ERCC5: variants seen among roughly 807,000 people sequenced by gnomAD.
ERCC5 encodes the protein ERCC excision repair 5, endonuclease.
In ERCC5, 68 loss-of-function variants were observed where a neutral mutation model predicts 105.6. The ratio of observed to expected loss-of-function variants is 0.64; its 90% CI spans 0.53 to 0.79. ERCC5 has a LOEUF of 0.79. Among genes scored for constraint, ERCC5 ranks in the 30% least tolerant of loss-of-function variants. The pLI is 0.00. For synonymous variants in ERCC5, 546 were observed against 526.2 expected, an observed-to-expected ratio of 1.04 and a Z score of -0.51; for missense variants, 1,373 against 1,426.7, an observed-to-expected ratio of 0.96 and a Z score of 0.61.
At chr13:102,863,219 G>A (rs528041025) in intron 8 of ERCC5, 116 bp downstream of exon 8, 29 of 1,194,378 alleles carry the variant, frequency 2.4e-5, no homozygotes, top group South Asian at 1.7e-4. Flanking sequence ...AACGAGAGAC[G>A]TAGAAAGAAA....
intron 5 of ERCC5, among the ~76,000 whole-genome samples, chr13:102,857,779 C>G (rs1882478780): frequency 6.6e-6 from 1 of 152,208 alleles, no homozygotes; most frequent in African/African-American, 2.4e-5. Flanking sequence ...CTCAGTGAGG[C>G]TCTTTGATAT....
intron 4 of ERCC5, among the ~76,000 whole-genome samples, chr13:102,855,083 A>C (rs377175464): frequency 2.6e-4 from 39 of 152,194 alleles, no homozygotes; most frequent in African/African-American, 8.9e-4. Context: ...TCTCCAGGTT[A>C]CATTATTAGC....
Position 102,846,068 on chromosome 13 carries a change from C to T in ERCC5, c.-199C>T. ...CGGTGACAGCTGCTGAGACGTGTTG[C>T]AGCCAGAGTCTCTCCGCTTTAATGC... On this transcript the variant is annotated 5_prime_UTR_variant, in exon 1 of 15. Coordinates refer to ENST00000652225, the MANE Select transcript of ERCC5 (RefSeq NM_000123.4). The T allele has an allele frequency of 1.7e-6, 1 of 589,190 alleles. No individual in the cohort carries two copies. The highest frequency in any genetic ancestry group is 2.1e-5 in the South Asian group (1 of 48,222). The allele number at this position is 589,190 out of a possible 1,614,324, so 36.5% of individuals were successfully genotyped here. A position where few individuals can be genotyped will look rare whatever the true frequency, so the allele number is the denominator to read the frequency against.
At chr13:102,854,454 A>T (rs1325437835) in intron 4 of ERCC5, 80 bp downstream of exon 4, 2 of 1,343,784 alleles carry the variant, frequency 1.5e-6, no homozygotes, top group African/African-American at 2.9e-5. Context: ...TGTTATCTAC[A>T]TGATAAGGCA....
In ERCC5 at chr13:102,865,458, C is replaced by T; in HGVS notation, c.1955-209C>T. 1.7e-6 allele frequency: 1 copy of T among 591,582 alleles called. No homozygotes were observed. Among genetic ancestry groups the T allele is most frequent in the Non-Finnish European group, 2.8e-6 (1 of 350,884 alleles). The allele number at this position is 591,582 out of a possible 1,614,324, so 36.6% of individuals were successfully genotyped here. On this transcript the variant is annotated intron_variant, in intron 8 of 14. Coordinates refer to ENST00000652225, the MANE Select transcript of ERCC5 (RefSeq NM_000123.4). The surrounding 1 kb of genome is among the most constrained non-coding windows in gnomAD (Gnocchi z 4.0). The stretch of plus-strand genomic sequence containing the variant: ...TACTTTCAAAGACAGTGCCAGTTTA[C>T]CTAATTGAAAAGGCTTGTTTTGAAG...
rs550588451 is a variant in ERCC5, at chr13:102,853,995, G to A, written c.380+123G>A. 10 of 888,778 alleles carry A rather than the reference G, an allele frequency of 1.1e-5. No individual in the cohort carries two copies. In the African/African-American group the frequency reaches 1.6e-4, roughly 14 times the overall value. The allele number at this position is 888,778 out of a possible 1,614,324, so 55.1% of individuals were successfully genotyped here. On this transcript the variant is annotated intron_variant, in intron 3 of 14. Transcript: ENST00000652225. ...CTCAACAGAAAATAGAGAGTGAAAT[G>A]AGACAAGTAGGCTGCCATTTTGACC... is the stretch of plus-strand genomic sequence containing the variant.
At position 102,865,079 on chromosome 13, in the gene ERCC5, G is replaced by A; in HGVS notation, c.1955-588G>A. On this transcript the variant is annotated intron_variant, in intron 8 of 14. Coordinates refer to ENST00000652225, the MANE Select transcript of ERCC5 (RefSeq NM_000123.4). This position sits in a 1 kb window ranked among gnomAD's most constrained non-coding sequence, Gnocchi z 4.0. The stretch of plus-strand genomic sequence containing the variant: ...TGCTTCAGCTGTGTCCTTGGTGCCA[G>A]CTCCCAGTCCCTGAGAGCCCCCTCC... 1 of 158,716 alleles carries A rather than the reference G, an allele frequency of 6.3e-6. No homozygotes were observed. Among genetic ancestry groups the A allele is most frequent in the Non-Finnish European group, 1.4e-5 (1 of 72,008 alleles). 9.8% of individuals were successfully genotyped at this position (158,716 alleles called of 1,614,324 possible). A position where few individuals can be genotyped will look rare whatever the true frequency, so the allele number is the denominator to read the frequency against.
chr13:102,862,314 T>C lies in ERCC5; in HGVS notation c.1165T>C (p.Ser389Pro). 2 of 1,614,124 alleles carry C rather than the reference T, an allele frequency of 1.2e-6. No homozygotes were observed. Among genetic ancestry groups the C allele is most frequent in the Non-Finnish European group, 1.7e-6 (2 of 1,180,016 alleles). ...DEGSISPRTL[S>P]AIKRALDDDE... ...AGGCTCCATATCACCCCGGACTCTT[T>C]CAGCCATTAAGAGAGCTCTTGACGA... The change falls in exon 8 of 15, where the codon TCA becomes CCA. Residue 389 changes from serine to proline, a missense_variant. By Grantham distance (74) the Ser-to-Pro change is moderately conservative. Transcript: ENST00000652225.
In ERCC5 at chr13:102,846,118, TG is replaced by T; in HGVS notation, c.-147del. On this transcript the variant is annotated 5_prime_UTR_variant, in exon 1 of 15. Coordinates refer to ENST00000652225, the MANE Select transcript of ERCC5 (RefSeq NM_000123.4). ...CGCTCCCATTAGTGCCGTCCCCCAC[TG>T]GAAAACCGTGGCTTCTGTATTATTT... is the stretch of plus-strand genomic sequence containing the variant. 1 of 647,164 alleles carries T rather than the reference TG, an allele frequency of 1.5e-6. No individual in the cohort carries two copies. The highest frequency in any genetic ancestry group is 2.7e-6 in the Non-Finnish European group (1 of 365,344). 40.1% of individuals were successfully genotyped at this position (647,164 alleles called of 1,614,324 possible). A position where few individuals can be genotyped will look rare whatever the true frequency, so the allele number is the denominator to read the frequency against.
At chr13:102,854,429 A>G (rs1882327670) in intron 4 of ERCC5, 55 bp downstream of exon 4, 1 of 1,548,654 alleles carries the variant, frequency 6.5e-7, no homozygotes. Flanking sequence ...ATTCAGACAC[A>G]TTTAAACCTT....
chr13:102,862,663 G>T lies in ERCC5; in HGVS notation c.1514G>T (p.Ser505Ile), dbSNP rs1242669696. ...KDRKDRLPLESAVVRHSDAPG... is the reference protein window; with the variant it reads ...KDRKDRLPLEIAVVRHSDAPG... Reference sequence around the variant, plus strand: ...AGAAAAGATCGGCTGCCTCTGGAGAGTGCAGTGGTTAGACATAGTGACGCA... The same window carrying T: ...AGAAAAGATCGGCTGCCTCTGGAGATTGCAGTGGTTAGACATAGTGACGCA... The change falls in exon 8 of 15, where the codon AGT becomes ATT. Residue 505 changes from serine to isoleucine, a missense_variant. Transcript: ENST00000652225. 2 of 1,614,220 alleles carry T rather than the reference G, an allele frequency of 1.2e-6. No homozygotes were observed. The highest frequency in any genetic ancestry group is 3.3e-5 in the Admixed American group (2 of 60,028).
intron 6 of ERCC5, chr13:102,858,891 G>A (rs1882524269): frequency 2.2e-6 from 1 of 455,916 alleles, no homozygotes; most frequent in Non-Finnish European, 4.4e-6. Flanking sequence ...GGAAAAATAA[G>A]TTCTAAATTG....
At chr13:102,846,496 G>C in intron 1 of ERCC5, 142 bp downstream of exon 1, 2 of 742,530 alleles carry the variant, frequency 2.7e-6, no homozygotes, top group South Asian at 3.1e-5. Flanking sequence ...TCTGTCACTA[G>C]GTTTTCTAAG....
chr13:102,854,148 C>A, intron 3 of ERCC5, 140 bp from the exon 4 acceptor site: 1 of 898,416 alleles, frequency 1.1e-6, no homozygotes, highest in Non-Finnish European at 1.8e-6. Context: ...TCTAGGTGAG[C>A]AGCCCCGCCA....
intron 5 of ERCC5, 65 bp from the exon 6 acceptor site, chr13:102,858,210 T>A: frequency 6.2e-7 from 1 of 1,602,954 alleles, no homozygotes. Flanking sequence ...TACATATCCT[T>A]AATGTTGAAT....
chr13:102,868,139 T>G lies in ERCC5; in HGVS notation c.2560T>G (p.Leu854Val). ...ATTGGACCGGAATAAGTTAATAAAT[T>G]TGGCTTATTTGCTTGGAAGTGATTA... is the stretch of plus-strand genomic sequence containing the variant. ...LGLDRNKLIN[L>V]AYLLGSDYTE... The change falls in exon 12 of 15, where the codon TTG (leucine) becomes GTG (valine). Residue 854 changes from leucine to valine, a missense_variant. Physicochemically the swap from Leu to Val is conservative, Grantham distance 32. This residue lies in a region of ERCC5 where 1,004 missense variants were observed against 1,059.7 expected (regional missense o/e 0.95). Coordinates refer to ENST00000652225, the MANE Select transcript of ERCC5 (RefSeq NM_000123.4). The G allele has an allele frequency of 6.2e-7, 1 of 1,614,120 alleles. No homozygotes were observed. The highest frequency in any genetic ancestry group is 1.1e-5 in the South Asian group (1 of 91,048).
At chr13:102,857,873 A>G (rs1005739029) in intron 5 of ERCC5, among the ~76,000 whole-genome samples, 70 of 152,000 alleles carry the variant, frequency 4.6e-4, no homozygotes, top group African/African-American at 1.7e-3. Flanking sequence ...CGTTCTGTTC[A>G]TGTAATCACT....
Position 102,861,544 on chromosome 13 carries a change from T to G in ERCC5, c.710T>G (p.Leu237Trp). Residue 237 changes from leucine to tryptophan, a missense_variant, in exon 7 of 15, where the codon TTG (leucine) becomes TGG (tryptophan). Coordinates refer to ENST00000652225, the MANE Select transcript of ERCC5 (RefSeq NM_000123.4). ...DDFSQYQLKG[L>W]LKKNYLNQHI... is the part of the protein sequence containing the mutation. ...TTTTCACAGTACCAACTCAAAGGCT[T>G]GCTTAAAAAGAACTATCTGAACCAG... 2 of 1,614,160 alleles carry G rather than the reference T, an allele frequency of 1.2e-6. No individual in the cohort carries two copies. Among genetic ancestry groups the G allele is most frequent in the East Asian group, 2.2e-5 (1 of 44,866 alleles).
chr13:102,847,877 G>A (rs1356718764), intron 1 of ERCC5, among the ~76,000 whole-genome samples: 1 of 152,192 alleles, frequency 6.6e-6, no homozygotes, highest in African/African-American at 2.4e-5. Flanking sequence ...AAAGAGGACT[G>A]TGGCCAGGCT....
Sources: allele counts gnomAD v4.1 joint callset (sites outside exome capture counted in the v4.1 genomes callset), GRCh38; gene constraint gnomAD v4.1.1; regional missense constraint gnomAD v4.1.1; non-coding constraint Gnocchi (gnomAD v3.1); transcripts MANE v1.5; gene names NCBI Gene and HGNC (gene_info 2026-07-23, HGNC 2026-07-21).